Variants in DLGAP2 observed in about 807,000 individuals in gnomAD.
DLGAP2 encodes the protein DLG associated protein 2.
A neutral mutation model predicts 100.3 loss-of-function variants in DLGAP2; 26 were observed. The ratio of observed to expected loss-of-function variants is 0.26; its 90% confidence interval spans 0.19 to 0.36. The LOEUF (loss-of-function observed/expected upper bound fraction) is 0.36, where lower values mean the gene tolerates loss of function less well. Among genes scored for constraint, DLGAP2 ranks in the 10% least tolerant of loss-of-function variants. DLGAP2 has a pLI of 1.00. For missense variants in DLGAP2, 1,858 were observed against 1,453.2 expected, an observed-to-expected ratio of 1.28 and a Z score of -4.53; for synonymous variants, 886 against 630.1, an observed-to-expected ratio of 1.41 and a Z score of -6.08.
intron 10 of DLGAP2, among the ~76,000 whole-genome samples, chr8:1,675,526 C>G (rs1363188856): frequency 6.6e-6 from 1 of 152,234 alleles, no homozygotes; most frequent in East Asian, 1.9e-4. Context: ...TTGACACAGG[C>G]TTAACCTTAG....
intron 2 of DLGAP2, among the ~76,000 whole-genome samples, chr8:1,207,036 C>T (rs1348060613): frequency 6.6e-6 from 1 of 152,224 alleles, no homozygotes; most frequent in African/African-American, 2.4e-5. Context: ...ACCCAGGTTT[C>T]ACCCTCTCCA....
intron 3 of DLGAP2, among the ~76,000 whole-genome samples, chr8:1,259,343 C>A (rs1359048450): frequency 6.6e-6 from 1 of 152,200 alleles, no homozygotes; most frequent in Non-Finnish European, 1.5e-5. Flanking sequence ...GCTTATTTAA[C>A]TTTCTACGCA....
intron 3 of DLGAP2, among the ~76,000 whole-genome samples, chr8:1,353,737 T>C (rs75171385): frequency 6.6e-6 from 1 of 152,256 alleles, no homozygotes; most frequent in South Asian, 2.1e-4. Context: ...TAACGTAAGA[T>C]TCAAATTTCT....
chr8:931,067 A>G (rs1295543179), intron 2 of DLGAP2, among the ~76,000 whole-genome samples: 1 of 152,136 alleles, frequency 6.6e-6, no homozygotes, highest in Non-Finnish European at 1.5e-5. Context: ...GGGGCAGTAA[A>G]AGGGAGGATT....
At chr8:831,308 T>C (rs1796778612) in intron 1 of DLGAP2, among the ~76,000 whole-genome samples, 1 of 151,560 alleles carries the variant, frequency 6.6e-6, no homozygotes, top group African/African-American at 2.4e-5. Flanking sequence ...GTTGGTTTGC[T>C]GCACCCATCA....
intron 2 of DLGAP2, among the ~76,000 whole-genome samples, chr8:1,171,809 C>T (rs142670690): frequency 6.6e-6 from 1 of 152,112 alleles, no homozygotes; most frequent in East Asian, 1.9e-4. Flanking sequence ...CTGAATATAA[C>T]ACACTGATGG....
intron 1 of DLGAP2, among the ~76,000 whole-genome samples, chr8:822,915 A>G (rs992915651): frequency 3.3e-5 from 5 of 152,272 alleles, no homozygotes; most frequent in Admixed American, 2.6e-4. Flanking sequence ...GGGTTTTGTC[A>G]GTTTACCTGC....
At chr8:1,323,975 G>A (rs1352166213) in intron 3 of DLGAP2, among the ~76,000 whole-genome samples, 1 of 152,122 alleles carries the variant, frequency 6.6e-6, no homozygotes, top group African/African-American at 2.4e-5. Context: ...GGCGCGTTTC[G>A]ACACAGTAAA....
At chr8:863,541 G>A (rs1366280440) in intron 1 of DLGAP2, among the ~76,000 whole-genome samples, 1 of 152,196 alleles carries the variant, frequency 6.6e-6, no homozygotes, top group Non-Finnish European at 1.5e-5. Context: ...TGCATGCTTT[G>A]CTAGTATTTT....
chr8:1,043,947 G>T lies in DLGAP2; in HGVS notation c.73+135981G>T, dbSNP rs369991797. Among the ~76,000 whole-genome samples, 2 of 109,266 alleles carry T rather than the reference G, an allele frequency of 1.8e-5. 1 individual carries two copies. Among genetic ancestry groups the T allele is most frequent in the South Asian group, 6.1e-4 (2 of 3,264 alleles). 71.7% of individuals were successfully genotyped at this position (109,266 alleles called of 152,430 possible). A position where few individuals can be genotyped will look rare whatever the true frequency, so the allele number is the denominator to read the frequency against. On this transcript the variant is annotated intron_variant, in intron 2 of 14. Transcript: ENST00000637795. ...GATCTCAGCTGGGGTGCAGTTGCTT[G>T]TGATGCTTTCTGGGTTAGAGACTTT...
intron 1 of DLGAP2, among the ~76,000 whole-genome samples, chr8:791,335 C>T (rs1192531358): frequency 2.0e-5 from 3 of 152,094 alleles, no homozygotes; most frequent in African/African-American, 7.2e-5. Context: ...CAGGCTGTTC[C>T]GGGTTCTCAT....
At chr8:1,257,056 C>T (rs1365262746) in intron 2 of DLGAP2, among the ~76,000 whole-genome samples, 1 of 152,162 alleles carries the variant, frequency 6.6e-6, no homozygotes, top group African/African-American at 2.4e-5. Context: ...CCCGTCCCCT[C>T]CACCGGCGCC....
At position 1,706,196 on chromosome 8, in the gene DLGAP2, T is replaced by C. The variant is rs558533068; in HGVS notation, c.*4790T>C. On this transcript the variant is annotated 3_prime_UTR_variant, in exon 15 of 15. Coordinates refer to ENST00000637795, the MANE Select transcript of DLGAP2 (RefSeq NM_001346810.2). The stretch of plus-strand genomic sequence containing the variant: ...AATGAAGGAGATATTGCTAGGAATC[T>C]CTAGGCTGTTAGGCAACCTGGCTTT... The C allele has an allele frequency of 4.6e-5, 7 of 152,384 alleles. 1 individual carries two copies. The South Asian group carries it at 1.4e-3, about 32-fold the overall frequency. 9.4% of individuals were successfully genotyped at this position (152,384 alleles called of 1,614,324 possible). A position where few individuals can be genotyped will look rare whatever the true frequency, so the allele number is the denominator to read the frequency against.
intron 2 of DLGAP2, among the ~76,000 whole-genome samples, chr8:1,257,976 T>C (rs962846115): frequency 3.3e-5 from 5 of 152,238 alleles, no homozygotes; most frequent in Admixed American, 2.6e-4. Flanking sequence ...TTCTTTCCCA[T>C]GAAGACCTTG....
chr8:759,030 G>GCCTTCCCATTATCAATACCCCCCACAA, intron 1 of DLGAP2, among the ~76,000 whole-genome samples: 6 of 144,640 alleles, frequency 4.1e-5, no homozygotes, highest in African/African-American at 1.5e-4. Flanking sequence ...ACCCCTGACA[G>GCCTTCCCATTATCAATACCCCCCACAA]CCTTCCCATT....
At chr8:1,063,297 G>A (rs934598010) in intron 2 of DLGAP2, among the ~76,000 whole-genome samples, 12 of 152,172 alleles carry the variant, frequency 7.9e-5, no homozygotes, top group Non-Finnish European at 1.8e-4. Flanking sequence ...TGTTTTAAGT[G>A]TGATGGGAAT....
chr8:1,512,574 G>T (rs1446036976), intron 4 of DLGAP2, among the ~76,000 whole-genome samples: 2 of 152,042 alleles, frequency 1.3e-5, no homozygotes, highest in African/African-American at 2.4e-5. Flanking sequence ...ACACCTCACA[G>T]CAGCCTGCCG....
intron 3 of DLGAP2, among the ~76,000 whole-genome samples, chr8:1,451,121 A>G (rs764330996): frequency 2.0e-5 from 3 of 152,050 alleles, no homozygotes; most frequent in East Asian, 1.9e-4. Flanking sequence ...TCTGTGGGCC[A>G]TGGGTGGGAC....
chr8:785,251 A>G (rs900689975), intron 1 of DLGAP2, among the ~76,000 whole-genome samples: 2 of 145,168 alleles, frequency 1.4e-5, no homozygotes, highest in Non-Finnish European at 3.0e-5. Context: ...AAAAAAAAAA[A>G]AGGCACGTCC....
Sources: gnomAD v4.1 joint callset for allele counts (sites outside exome capture counted in the v4.1 genomes callset) on GRCh38, gnomAD v4.1.1 for gene constraint, MANE v1.5 for transcripts, NCBI Gene and HGNC (gene_info 2026-07-23, HGNC 2026-07-21) for gene names.